MAP2K5: variants seen among roughly 807,000 people sequenced by gnomAD.
MAP2K5 encodes dual specificity mitogen-activated protein kinase kinase 5.
Under a neutral mutation model 83.1 loss-of-function variants are expected in MAP2K5, and 49 were observed. That is an observed-to-expected ratio of 0.59 (90% CI 0.47 to 0.75). The LOEUF (loss-of-function observed/expected upper bound fraction) is 0.75. Among genes scored for constraint, MAP2K5 ranks in the 30% least tolerant of loss-of-function variants. The pLI is 0.00. For synonymous variants in MAP2K5, 202 were observed against 191.8 expected (o/e 1.05, Z -0.44); for missense variants, 457 against 557.5 (o/e 0.82, Z 1.82).
intron 3 of MAP2K5, among the ~76,000 whole-genome samples, chr15:67,569,117 C>T (rs1344281515): frequency 6.6e-6 from 1 of 151,718 alleles, no homozygotes; most frequent in Non-Finnish European, 1.5e-5. Flanking sequence ...AATTCATTGT[C>T]CATTTAGAAG....
intron 15 of MAP2K5, among the ~76,000 whole-genome samples, chr15:67,695,035 C>G (rs2088213585): frequency 6.7e-6 from 1 of 150,212 alleles, no homozygotes; most frequent in African/African-American, 2.5e-5. Context: ...CACATATTCT[C>G]ACTCATAGGT....
intron 8 of MAP2K5, among the ~76,000 whole-genome samples, chr15:67,625,324 A>G (rs531489872): frequency 2.6e-5 from 4 of 152,370 alleles, no homozygotes; most frequent in South Asian, 2.1e-4. Context: ...TTAAGGGCTG[A>G]GACTGTTCCC....
At chr15:67,625,627 C>G (rs1246130018) in intron 8 of MAP2K5, among the ~76,000 whole-genome samples, 1 of 152,180 alleles carries the variant, frequency 6.6e-6, no homozygotes, top group Admixed American at 6.5e-5. Flanking sequence ...TTCCTTTTCT[C>G]TAAGTAAATA....
At position 67,738,116 on chromosome 15, in the gene MAP2K5, T is replaced by C. The variant is rs1179186826; in HGVS notation, c.1075-10115T>C. Among the ~76,000 whole-genome samples, 1 of 152,052 alleles carries C rather than the reference T, an allele frequency of 6.6e-6. No individual in the cohort carries two copies. Among genetic ancestry groups the C allele is most frequent in the Non-Finnish European group, 1.5e-5 (1 of 68,000 alleles). On this transcript the variant is annotated intron_variant, in intron 17 of 21. Transcript: ENST00000178640. This position sits in a 1 kb window ranked among gnomAD's most constrained non-coding sequence, Gnocchi z 4.1. The stretch of plus-strand genomic sequence containing the variant: ...ACCTGCCTGCCTCAGCCTCCCAGAG[T>C]ACTGGGATTACAGGCGTGAGCCACT...
At chr15:67,604,279 C>T (rs2085729384) in intron 8 of MAP2K5, among the ~76,000 whole-genome samples, 1 of 152,192 alleles carries the variant, frequency 6.6e-6, no homozygotes, top group African/African-American at 2.4e-5. Context: ...AAAGGAAATA[C>T]CTTAAAGTAT....
intron 17 of MAP2K5, among the ~76,000 whole-genome samples, chr15:67,743,794 TG>T (rs1480560291): frequency 6.6e-6 from 1 of 152,232 alleles, no homozygotes; most frequent in Non-Finnish European, 1.5e-5. Flanking sequence ...AAAATAAACA[TG>T]GCTCCTGAAT....
intron 21 of MAP2K5, among the ~76,000 whole-genome samples, chr15:67,805,154 C>T (rs906753687): frequency 4.6e-5 from 7 of 152,244 alleles, no homozygotes; most frequent in East Asian, 1.9e-4. Context: ...TTGGCATCTT[C>T]GAAGCCGAGT....
intron 21 of MAP2K5, among the ~76,000 whole-genome samples, chr15:67,773,243 C>G (rs1479106814): frequency 1.3e-5 from 2 of 152,080 alleles, no homozygotes; most frequent in Non-Finnish European, 2.9e-5. Context: ...GTGCTGTGTT[C>G]TCAGCTCCAA....
chr15:67,741,584 T>C (rs4776967), intron 17 of MAP2K5, among the ~76,000 whole-genome samples: 69,297 of 151,750 alleles, frequency 0.46, 17,689 homozygotes, highest in East Asian at 0.7. Flanking sequence ...CTAATGTAGG[T>C]CTGAACCACC....
At chr15:67,628,448 C>G (rs1870435220) in intron 8 of MAP2K5, 2 of 566,728 alleles carry the variant, frequency 3.5e-6, no homozygotes, top group African/African-American at 3.8e-5. Context: ...CCACTGCTCT[C>G]CAGCCTGGGC....
At chr15:67,624,135 C>T (rs913561950) in intron 8 of MAP2K5, among the ~76,000 whole-genome samples, 2 of 151,114 alleles carry the variant, frequency 1.3e-5, no homozygotes, top group South Asian at 2.1e-4. Flanking sequence ...GTCAGGAGAT[C>T]GAGACCATCC....
chr15:67,567,246 A>G (rs1173821960), intron 3 of MAP2K5, among the ~76,000 whole-genome samples: 1 of 152,022 alleles, frequency 6.6e-6, no homozygotes, highest in Non-Finnish European at 1.5e-5. Context: ...TTAATCAACA[A>G]TCTGTTTTTA....
At chr15:67,709,977 T>G (rs796154016) in intron 16 of MAP2K5, among the ~76,000 whole-genome samples, 1 of 152,206 alleles carries the variant, frequency 6.6e-6, no homozygotes, top group African/African-American at 2.4e-5. Context: ...TTATTAAGGT[T>G]GATGGTGAAT....
chr15:67,727,870 C>T (rs375895206), intron 16 of MAP2K5, 46 bp from the exon 17 acceptor site: 4 of 1,438,564 alleles, frequency 2.8e-6, no homozygotes, highest in Non-Finnish European at 3.9e-6. Flanking sequence ...GGAGATCTGC[C>T]CTGCATGCAA....
chr15:67,804,134 C>T (rs552800161), intron 21 of MAP2K5, among the ~76,000 whole-genome samples: 3 of 152,280 alleles, frequency 2.0e-5, no homozygotes, highest in African/African-American at 4.8e-5. Context: ...TCTCCAGTGC[C>T]GTCACGACCC....
intron 1 of MAP2K5, 128 bp from the exon 2 acceptor site, chr15:67,549,906 A>G (rs2084473222): frequency 1.5e-6 from 1 of 684,416 alleles, no homozygotes; most frequent in South Asian, 1.8e-5. Context: ...ATTATGAGCT[A>G]ATGTTTTTAT....
intron 2 of MAP2K5, among the ~76,000 whole-genome samples, chr15:67,554,837 T>TAA (rs2084591392): frequency 6.6e-6 from 1 of 152,240 alleles, no homozygotes; most frequent in South Asian, 2.1e-4. Flanking sequence ...ATGAAAATTA[T>TAA]AAAATGTATA....
chr15:67,548,954 A>C, intron 1 of MAP2K5: 1 of 1,279,370 alleles, frequency 7.8e-7, no homozygotes. Flanking sequence ...CTATTATGCA[A>C]ATTGCCACTG....
Position 67,746,283 on chromosome 15 carries a change from A to G in MAP2K5, c.1075-1948A>G, listed in dbSNP as rs982768901. Among the ~76,000 whole-genome samples, 3 of 152,148 alleles carry G rather than the reference A, an allele frequency of 2.0e-5. No homozygotes were observed. The highest frequency in any genetic ancestry group is 7.2e-5 in the African/African-American group (3 of 41,432). ...ACCTCTCACTTAGAATGTTTGCTGC[A>G]TGTTCTCCTCAGAGAATGTTGTCAT... is the stretch of plus-strand genomic sequence containing the variant. On this transcript the variant is annotated intron_variant, in intron 17 of 21. Coordinates refer to ENST00000178640, the MANE Select transcript of MAP2K5 (RefSeq NM_145160.3). This position sits in a 1 kb window ranked among gnomAD's most constrained non-coding sequence, Gnocchi z 4.1.
Sources: allele counts gnomAD v4.1 joint callset (sites outside exome capture counted in the v4.1 genomes callset), GRCh38; gene constraint gnomAD v4.1.1; non-coding constraint Gnocchi (gnomAD v3.1); transcripts MANE v1.5; gene names NCBI Gene and HGNC (gene_info 2026-07-23, HGNC 2026-07-21).